The following PARD3B variants were observed in gnomAD, a reference collection of about 807,000 sequenced individuals.
PARD3B encodes partitioning defective 3 homolog B.
Under a neutral mutation model 130.2 loss-of-function variants are expected in PARD3B, and 103 were observed. The ratio of observed to expected loss-of-function variants is 0.79; its 90% confidence interval spans 0.67 to 0.93. PARD3B has a LOEUF of 0.93. PARD3B is among the 40% of genes least tolerant of loss of function. The pLI, the probability that PARD3B is intolerant of heterozygous loss-of-function variation, is 0.00. For missense variants in PARD3B, 1,609 were observed against 1,499.2 expected, an observed-to-expected ratio of 1.07 and a Z score of -1.21; for synonymous variants, 583 against 553.2, an observed-to-expected ratio of 1.05 and a Z score of -0.76.
chr2:205,501,209 CT>C, intron 21 of PARD3B, among the ~76,000 whole-genome samples: 1 of 152,318 alleles, frequency 6.6e-6, no homozygotes, highest in African/African-American at 2.4e-5. Context: ...AAGATTGCAC[CT>C]GTATAATGGA....
At chr2:204,607,880 C>G (rs1197080390) in intron 1 of PARD3B, among the ~76,000 whole-genome samples, 2 of 152,152 alleles carry the variant, frequency 1.3e-5, no homozygotes, top group Non-Finnish European at 2.9e-5. Context: ...TAGACCTGTT[C>G]ATGTAAATTG....
intron 3 of PARD3B, among the ~76,000 whole-genome samples, chr2:205,023,842 C>T (rs79883275): frequency 7.1e-4 from 108 of 152,150 alleles, no homozygotes; most frequent in African/African-American, 2.0e-3. Flanking sequence ...GTATTTACTT[C>T]GGCAGCTCCA....
chr2:205,586,904 G>A (rs532821782), intron 22 of PARD3B, among the ~76,000 whole-genome samples: 21 of 152,160 alleles, frequency 1.4e-4, no homozygotes, highest in Non-Finnish European at 2.4e-4. Context: ...TTGATACCAA[G>A]TATGTGGTGG....
intron 2 of PARD3B, among the ~76,000 whole-genome samples, chr2:204,851,572 A>G (rs558006539): frequency 2.6e-5 from 4 of 152,314 alleles, no homozygotes; most frequent in African/African-American, 9.6e-5. Flanking sequence ...TGACTATCCA[A>G]CTGTATTTGA....
At chr2:204,576,786 C>G (rs2032282445) in intron 1 of PARD3B, among the ~76,000 whole-genome samples, 2 of 152,100 alleles carry the variant, frequency 1.3e-5, no homozygotes, top group East Asian at 1.9e-4. Context: ...CATCTGCTTC[C>G]CCTTATGGTG....
intron 1 of PARD3B, among the ~76,000 whole-genome samples, chr2:204,566,284 G>C (rs2031665503): frequency 6.6e-6 from 1 of 152,224 alleles, no homozygotes; most frequent in African/African-American, 2.4e-5. Flanking sequence ...CTGCAGTTGG[G>C]ATGTGAACTC....
chr2:204,589,788 T>C (rs570157860), intron 1 of PARD3B, among the ~76,000 whole-genome samples: 205 of 152,260 alleles, frequency 1.3e-3, no homozygotes, highest in Non-Finnish European at 2.4e-3. Context: ...TTAGGGGAAT[T>C]ATTTTGTTTC....
rs4675515 is a variant in PARD3B, at chr2:205,325,519, T to C, written c.2630+23818T>C. Among the ~76,000 whole-genome samples the C allele has an allele frequency of 0.62, 84,966 of 136,718 alleles. 27,607 individuals are homozygous for C. Among genetic ancestry groups the C allele is most frequent in the South Asian group, 0.78 (3,631 of 4,684 alleles). The allele number at this position is 136,718 out of a possible 152,430, so 89.7% of individuals were successfully genotyped here. A position where few individuals can be genotyped will look rare whatever the true frequency, so the allele number is the denominator to read the frequency against. On this transcript the variant is annotated intron_variant, in intron 18 of 22. Transcript: ENST00000406610. The surrounding 1 kb of genome is among the most constrained non-coding windows in gnomAD (Gnocchi z 4.1). ...AAGATAGTTTACTAATATCATCTCATTGTTTATTAGTAGTAGTAGTAGTAG... is the reference window on the plus strand; with the variant it reads ...AAGATAGTTTACTAATATCATCTCACTGTTTATTAGTAGTAGTAGTAGTAG...
chr2:205,428,172 C>T (rs1177987243), intron 19 of PARD3B, among the ~76,000 whole-genome samples: 2 of 152,052 alleles, frequency 1.3e-5, no homozygotes, highest in African/African-American at 4.8e-5. Context: ...CGCTTGACCT[C>T]GGGAGTTTGA....
chr2:205,460,389 G>T lies in PARD3B; in HGVS notation c.3044+19717G>T, dbSNP rs941821536. On this transcript the variant is annotated intron_variant, in intron 20 of 22. Transcript: ENST00000406610. The surrounding 1 kb of genome is among the most constrained non-coding windows in gnomAD (Gnocchi z 4.9). Reference sequence around the variant, plus strand: ...GAGGATTATCAAGACTAAGGATGTTGATAGTGATGATGATGATGATGATGA... The same window carrying T: ...GAGGATTATCAAGACTAAGGATGTTTATAGTGATGATGATGATGATGATGA... 8.0e-6 allele frequency among the ~76,000 whole-genome samples: 1 copy of T among 124,838 alleles called. No homozygotes were observed. The highest frequency in any genetic ancestry group is 1.7e-5 in the Non-Finnish European group (1 of 60,180). The allele number at this position is 124,838 out of a possible 152,430, so 81.9% of individuals were successfully genotyped here.
At chr2:204,787,087 G>A (rs1448000837) in intron 2 of PARD3B, among the ~76,000 whole-genome samples, 2 of 151,748 alleles carry the variant, frequency 1.3e-5, no homozygotes, top group African/African-American at 2.4e-5. Flanking sequence ...CATTTTTATT[G>A]CAGCCTAGGA....
intron 2 of PARD3B, among the ~76,000 whole-genome samples, chr2:204,817,822 T>G (rs2043199813): frequency 6.6e-6 from 1 of 152,314 alleles, no homozygotes; most frequent in South Asian, 2.1e-4. Context: ...TTAATAGAGC[T>G]CACCGTGTTT....
chr2:205,041,333 T>C (rs1210424034), intron 3 of PARD3B, among the ~76,000 whole-genome samples: 1 of 152,206 alleles, frequency 6.6e-6, no homozygotes, highest in Non-Finnish European at 1.5e-5. Context: ...CCAAGATTTG[T>C]ATTTTCTCTG....
intron 18 of PARD3B, among the ~76,000 whole-genome samples, chr2:205,332,401 T>A (rs960814469): frequency 6.6e-6 from 1 of 151,768 alleles, no homozygotes; most frequent in African/African-American, 2.4e-5. Flanking sequence ...CAAGCCCCTT[T>A]TATGGGAGAA....
intron 5 of PARD3B, among the ~76,000 whole-genome samples, chr2:205,104,841 G>C (rs529525231): frequency 1.2e-4 from 19 of 152,182 alleles, no homozygotes; most frequent in Admixed American, 3.3e-4. Context: ...TTTGACTTTA[G>C]CTCTTTGAAA....
chr2:205,063,482 C>G (rs1700179281), intron 4 of PARD3B, among the ~76,000 whole-genome samples: 1 of 152,056 alleles, frequency 6.6e-6, no homozygotes, highest in Admixed American at 6.6e-5. Context: ...TGTTATGATT[C>G]AGGTCACAGG....
intron 2 of PARD3B, among the ~76,000 whole-genome samples, chr2:204,956,365 A>G (rs1427018104): frequency 1.3e-5 from 2 of 152,212 alleles, no homozygotes; most frequent in African/African-American, 4.8e-5. Flanking sequence ...AATATTGTAA[A>G]TGTATGTAGT....
intron 22 of PARD3B, among the ~76,000 whole-genome samples, chr2:205,579,058 A>T (rs1049706291): frequency 6.6e-6 from 1 of 152,252 alleles, no homozygotes; most frequent in African/African-American, 2.4e-5. Context: ...AGCAAAACGT[A>T]AAAATGTAAA....
At chr2:205,408,919 T>C (rs1332768800) in intron 19 of PARD3B, among the ~76,000 whole-genome samples, 1 of 152,136 alleles carries the variant, frequency 6.6e-6, no homozygotes, top group African/African-American at 2.4e-5. Flanking sequence ...GATCAGATCA[T>C]GGGCTGGATT....
Sources: allele counts gnomAD v4.1 joint callset (sites outside exome capture counted in the v4.1 genomes callset), GRCh38; gene constraint gnomAD v4.1.1; non-coding constraint Gnocchi (gnomAD v3.1); transcripts MANE v1.5; gene names NCBI Gene and HGNC (gene_info 2026-07-23, HGNC 2026-07-21).